Variants in DDHD1 observed in about 807,000 individuals in gnomAD.
The protein encoded by DDHD1 is phospholipase DDHD1.
A neutral mutation model predicts 96.4 loss-of-function variants in DDHD1; 49 were observed. The ratio of observed to expected loss-of-function variants is 0.51; its 90% CI spans 0.40 to 0.64. The LOEUF is 0.64. Among genes scored for constraint, DDHD1 ranks in the 30% least tolerant of loss-of-function variants. The pLI is 0.00. For synonymous variants in DDHD1, 442 were observed against 446.5 expected (o/e 0.99, Z 0.13); for missense variants, 1,106 against 1,161.2 (o/e 0.95, Z 0.69).
chr14:53,082,616 G>A lies in DDHD1; in HGVS notation c.1290-8769C>T, dbSNP rs184808177. Among the ~76,000 whole-genome samples, 23 of 151,752 alleles carry A rather than the reference G, an allele frequency of 1.5e-4. No homozygotes were observed. The East Asian group carries it at 2.3e-3, about 15-fold the overall frequency. On this transcript the variant is annotated intron_variant, in intron 4 of 12. Transcript: ENST00000673822. ...TCTACTAAAAATACAAAAATTAGCC[G>A]GGTGTGGTGACGTGTGACTGTAGTT...
intron 6 of DDHD1, among the ~76,000 whole-genome samples, chr14:53,067,488 C>T (rs1157149301): frequency 1.3e-5 from 2 of 148,844 alleles, no homozygotes; most frequent in East Asian, 4.0e-4. Context: ...GATGGAATCT[C>T]GCTCTGTCAC....
intron 2 of DDHD1, 69 bp from the exon 3 acceptor site, chr14:53,093,513 C>T (rs897002884): frequency 1.3e-6 from 2 of 1,560,818 alleles, no homozygotes; most frequent in East Asian, 2.3e-5. Context: ...AGAATTATAA[C>T]ACTCAGATTT....
At chr14:53,049,624 A>G (rs969470756) in intron 12 of DDHD1, among the ~76,000 whole-genome samples, 4 of 134,324 alleles carry the variant, frequency 3.0e-5, no homozygotes, top group Admixed American at 7.8e-5. Flanking sequence ...TCAGGTTGGT[A>G]GTTTTTCCCT....
intron 3 of DDHD1, chr14:53,093,105 G>T: frequency 3.0e-6 from 1 of 329,396 alleles, no homozygotes; most frequent in Non-Finnish European, 5.1e-6. Flanking sequence ...TATTAATTTT[G>T]TCAAATCATT....
intron 4 of DDHD1, among the ~76,000 whole-genome samples, chr14:53,078,106 T>C (rs1885131687): frequency 6.6e-6 from 1 of 152,214 alleles, no homozygotes; most frequent in Admixed American, 6.5e-5. Flanking sequence ...TAACAAGTTT[T>C]TGTGGACATA....
Position 53,072,625 on chromosome 14 carries a change from T to C in DDHD1, c.1475A>G (p.Tyr492Cys). The C allele has an allele frequency of 6.2e-7, 1 of 1,606,352 alleles. No homozygotes were observed. The highest frequency in any genetic ancestry group is 8.5e-7 in the Non-Finnish European group (1 of 1,175,086). The change falls in exon 6 of 13, where the codon TAT (tyrosine) becomes TGT (cysteine). Residue 492 changes from tyrosine (Y) to cysteine (C), a missense_variant. By Grantham distance (194) the Tyr-to-Cys change is radical. Transcript: ENST00000673822. Reference sequence around the variant, plus strand: ...ATCTCTATAAAGTGGACTAGTATAATACATTATGTCCATTGCACTGCTGTT... The same window carrying C: ...ATCTCTATAAAGTGGACTAGTATAACACATTATGTCCATTGCACTGCTGTT... The part of the protein sequence containing the change: ...MLNSSAMDIM[Y>C]YTSPLYRDEL...
chr14:53,089,344 C>T (rs1252487938), intron 4 of DDHD1, among the ~76,000 whole-genome samples: 20 of 152,142 alleles, frequency 1.3e-4, no homozygotes. Flanking sequence ...CAAAAAAGAG[C>T]TCACATAGCC....
chr14:53,107,447 A>G (rs1887771147), intron 1 of DDHD1, among the ~76,000 whole-genome samples: 1 of 152,180 alleles, frequency 6.6e-6, no homozygotes, highest in South Asian at 2.1e-4. Flanking sequence ...AGGATGGAGC[A>G]GGATGGCTGG....
intron 2 of DDHD1, chr14:53,093,658 GAATGGC>G: frequency 2.0e-6 from 1 of 497,246 alleles, no homozygotes; most frequent in Non-Finnish European, 3.4e-6. Flanking sequence ...CTGCTACAGG[GAATGGC>G]AACTTTTTAA....
intron 1 of DDHD1, among the ~76,000 whole-genome samples, chr14:53,134,211 T>C (rs1325987584): frequency 2.0e-5 from 3 of 152,166 alleles, no homozygotes; most frequent in Non-Finnish European, 2.9e-5. Flanking sequence ...CATACTCCTA[T>C]TCACCATTCT....
intron 4 of DDHD1, among the ~76,000 whole-genome samples, chr14:53,085,131 G>A (rs1030909995): frequency 6.6e-6 from 1 of 152,208 alleles, no homozygotes; most frequent in Admixed American, 6.5e-5. Flanking sequence ...AGCTCAAACT[G>A]GGTGGAGCCC....
chr14:53,067,244 C>T (rs7145038), intron 6 of DDHD1, among the ~76,000 whole-genome samples: 10,669 of 150,914 alleles, frequency 0.071, 960 homozygotes, highest in African/African-American at 0.21. Flanking sequence ...CTGCAACCTC[C>T]GTCTCCTGGG....
intron 7 of DDHD1, among the ~76,000 whole-genome samples, chr14:53,062,568 T>G (rs1305080471): frequency 6.6e-6 from 1 of 151,970 alleles, no homozygotes; most frequent in Non-Finnish European, 1.5e-5. Flanking sequence ...TTCAGAATAA[T>G]AAGAAAGGTA....
chr14:53,126,888 C>G (rs1889481787), intron 1 of DDHD1, among the ~76,000 whole-genome samples: 1 of 152,060 alleles, frequency 6.6e-6, no homozygotes, highest in Non-Finnish European at 1.5e-5. Context: ...AAATGTCAGA[C>G]TGTCAAAATA....
At chr14:53,077,758 T>C (rs1885103182) in intron 4 of DDHD1, among the ~76,000 whole-genome samples, 2 of 151,744 alleles carry the variant, frequency 1.3e-5, no homozygotes, top group Admixed American at 6.6e-5. Context: ...AACACGTTCA[T>C]CACCCCAGAA....
At chr14:53,119,938 T>C (rs1193825774) in intron 1 of DDHD1, among the ~76,000 whole-genome samples, 1 of 152,198 alleles carries the variant, frequency 6.6e-6, no homozygotes, top group Non-Finnish European at 1.5e-5. Context: ...AACAGAGTAC[T>C]GGAAGTTCTG....
intron 1 of DDHD1, among the ~76,000 whole-genome samples, chr14:53,117,640 A>G (rs1888651144): frequency 6.6e-6 from 1 of 152,202 alleles, no homozygotes; most frequent in Non-Finnish European, 1.5e-5. Context: ...AGTGTAAACA[A>G]AGAGGCCAGG....
intron 6 of DDHD1, among the ~76,000 whole-genome samples, chr14:53,064,817 T>C (rs1883885305): frequency 6.6e-6 from 1 of 152,158 alleles, no homozygotes; most frequent in Non-Finnish European, 1.5e-5. Flanking sequence ...AGCCAACTTT[T>C]TAAACAGCTT....
Position 53,152,402 on chromosome 14 carries a change from G to C in DDHD1, c.697C>G (p.Arg233Gly), listed in dbSNP as rs1440862775. Reference sequence around the variant, plus strand: ...GTACTCTGGCAGAAGCCGCAGGCGCGGTCCTCATCGTCATCTTCTCCGGAA... The same window carrying C: ...GTACTCTGGCAGAAGCCGCAGGCGCCGTCCTCATCGTCATCTTCTCCGGAA... The part of the protein sequence containing the change: ...SSSGEDDDED[R>G]ACGFCQSTTG... The change falls in exon 1 of 13, where the codon CGC becomes GGC. Residue 233 changes from arginine (R) to glycine (G), a missense_variant. Arg to Gly is a moderately radical substitution (Grantham distance 125). Transcript: ENST00000673822. 6.2e-7 allele frequency: 1 copy of C among 1,613,778 alleles called. No homozygotes were observed. The highest frequency in any genetic ancestry group is 1.7e-5 in the Admixed American group (1 of 60,012).
Sources: gnomAD v4.1 joint callset for allele counts (sites outside exome capture counted in the v4.1 genomes callset) on GRCh38, gnomAD v4.1.1 for gene constraint, MANE v1.5 for transcripts, NCBI Gene and HGNC (gene_info 2026-07-23, HGNC 2026-07-21) for gene names.